Variants in EFCAB6 observed in about 807,000 individuals in gnomAD.
EFCAB6 encodes EF-hand calcium binding domain 6.
In EFCAB6, 156 loss-of-function variants were observed where a neutral mutation model predicts 169.8. That is an observed-to-expected ratio of 0.92 (90% CI 0.81 to 1.05). EFCAB6 has a LOEUF of 1.05. Among genes scored for constraint, EFCAB6 ranks in the 50% least tolerant of loss-of-function variants. The pLI is 0.00. For missense variants in EFCAB6, 1,800 were observed against 1,829.1 expected (o/e 0.98, Z 0.29); for synonymous variants, 698 against 676.4 (o/e 1.03, Z -0.50).
intron 12 of EFCAB6, 87 bp from the exon 13 acceptor site, chr22:43,678,250 A>G (rs2057856517): frequency 7.3e-7 from 1 of 1,377,652 alleles, no homozygotes; most frequent in Admixed American, 2.3e-5. Flanking sequence ...ATCATTTAAT[A>G]AAGAGCGAGC....
chr22:43,677,412 C>T (rs1459148269), intron 13 of EFCAB6, among the ~76,000 whole-genome samples: 2 of 152,130 alleles, frequency 1.3e-5, no homozygotes, highest in African/African-American at 2.4e-5. Context: ...CTTTGGGAGG[C>T]CGAGGCAAGT....
intron 20 of EFCAB6, among the ~76,000 whole-genome samples, chr22:43,622,511 A>G (rs558747433): frequency 5.9e-5 from 9 of 152,328 alleles, no homozygotes; most frequent in African/African-American, 2.2e-4. Flanking sequence ...GGTTGCAGTG[A>G]GCTGAGATGG....
intron 10 of EFCAB6, among the ~76,000 whole-genome samples, chr22:43,690,156 T>C (rs1257159478): frequency 6.6e-6 from 1 of 152,102 alleles, no homozygotes; most frequent in East Asian, 1.9e-4. Flanking sequence ...GTACCTACTC[T>C]TGCCTTCCTC....
rs970127330 is a variant in EFCAB6, at chr22:43,755,769, T to C, written c.504A>G (p.Glu168=). 6.2e-7 allele frequency: 1 copy of C among 1,607,024 alleles called. No individual in the cohort carries two copies. The highest frequency in any genetic ancestry group is 8.5e-7 in the Non-Finnish European group (1 of 1,177,760). ...TLRELEIQVG[E]KVFKNIKTVM... ...ATTTCTTTAAAATCTCTATTACCTT[T>C]TCTCCCACTTGGATTTCAAGTTCTC... is the stretch of plus-strand genomic sequence containing the variant. The change falls in exon 6 of 32, where the codon GAA becomes GAG. Residue 168 remains glutamate (E), a synonymous_variant. Coordinates refer to ENST00000262726, the MANE Select transcript of EFCAB6 (RefSeq NM_022785.4).
intron 10 of EFCAB6, among the ~76,000 whole-genome samples, chr22:43,694,943 T>C (rs1490821854): frequency 3.3e-5 from 5 of 151,992 alleles, no homozygotes; most frequent in African/African-American, 1.2e-4. Context: ...TGTTCAACAT[T>C]ATACTTAACA....
At chr22:43,612,495 A>C (rs1419993239) in intron 21 of EFCAB6, among the ~76,000 whole-genome samples, 1 of 152,214 alleles carries the variant, frequency 6.6e-6, no homozygotes, top group Non-Finnish European at 1.5e-5. Flanking sequence ...GAAGAAATAC[A>C]TGTGGCCAAC....
At chr22:43,636,110 G>A (rs2055373141) in intron 17 of EFCAB6, among the ~76,000 whole-genome samples, 2 of 152,234 alleles carry the variant, frequency 1.3e-5, no homozygotes, top group Non-Finnish European at 2.9e-5. Flanking sequence ...GGGCCAAGGG[G>A]CCAAAGACGT....
chr22:43,674,415 G>C (rs2057631937), intron 13 of EFCAB6, among the ~76,000 whole-genome samples: 1 of 152,180 alleles, frequency 6.6e-6, no homozygotes, highest in African/African-American at 2.4e-5. Context: ...TCTGAGACTG[G>C]GAGGGTCCCT....
intron 27 of EFCAB6, among the ~76,000 whole-genome samples, chr22:43,551,080 G>A (rs1428362752): frequency 6.6e-6 from 1 of 152,226 alleles, no homozygotes; most frequent in Non-Finnish European, 1.5e-5. Context: ...ACCAAGTCAT[G>A]AAATATGGAG....
intron 12 of EFCAB6, among the ~76,000 whole-genome samples, chr22:43,679,074 T>C (rs1250101333): frequency 2.0e-5 from 3 of 152,212 alleles, no homozygotes; most frequent in Non-Finnish European, 2.9e-5. Flanking sequence ...ATTTAAAGCA[T>C]TGTGTAACCA....
At position 43,602,911 on chromosome 22, in the gene EFCAB6, C is replaced by T. The variant is rs190353283; in HGVS notation, c.2682-2648G>A. Among the ~76,000 whole-genome samples, 139 of 152,022 alleles carry T rather than the reference C, an allele frequency of 9.1e-4. No homozygotes were observed. In the Middle Eastern group the frequency reaches 0.01, roughly 11 times the overall value. ...CACCCAAAGTTTTTCCCACATGCTGCCTCCATCCAGTTCCTAGGTCCATGT... is the reference window on the plus strand; with the variant it reads ...CACCCAAAGTTTTTCCCACATGCTGTCTCCATCCAGTTCCTAGGTCCATGT... On this transcript the variant is annotated intron_variant, in intron 22 of 31. Coordinates refer to ENST00000262726, the MANE Select transcript of EFCAB6 (RefSeq NM_022785.4).
rs144371225 is a variant in EFCAB6, at chr22:43,703,344, C to A, written c.1031+8131G>T. On this transcript the variant is annotated intron_variant, in intron 10 of 31. Transcript: ENST00000262726. ...GTCCCATACAGAATCACAAGCTAGA[C>A]TGAATAATGAATATCTATTTCTGCC... 2.0e-3 allele frequency among the ~76,000 whole-genome samples: 297 copies of A among 152,268 alleles called. 12 individuals are homozygous for A. The East Asian group carries it at 0.05, about 25-fold the overall frequency.
At chr22:43,701,893 TAAC>T (rs1337269900) in intron 10 of EFCAB6, among the ~76,000 whole-genome samples, 1 of 152,002 alleles carries the variant, frequency 6.6e-6, no homozygotes, top group Non-Finnish European at 1.5e-5. Flanking sequence ...AAAAGGGAAA[TAAC>T]AGGCTAAGAA....
chr22:43,591,471 A>AG (rs1326597249), intron 23 of EFCAB6, among the ~76,000 whole-genome samples: 1 of 142,832 alleles, frequency 7.0e-6, no homozygotes, highest in African/African-American at 2.6e-5. Flanking sequence ...AAAAAAAAAA[A>AG]AAAAGAAAAG....
At chr22:43,671,275 C>T (rs557099622) in intron 15 of EFCAB6, among the ~76,000 whole-genome samples, 2 of 152,260 alleles carry the variant, frequency 1.3e-5, no homozygotes, top group South Asian at 2.1e-4. Context: ...AATCTCGGCT[C>T]ACTGCAACCT....
intron 17 of EFCAB6, among the ~76,000 whole-genome samples, chr22:43,655,804 G>A (rs896344405): frequency 1.3e-5 from 2 of 152,062 alleles, no homozygotes; most frequent in South Asian, 2.1e-4. Context: ...AAAAGGATAC[G>A]CCATGTGAAC....
chr22:43,711,742 A>G, intron 9 of EFCAB6, 119 bp from the exon 10 acceptor site: 1 of 1,226,376 alleles, frequency 8.2e-7, no homozygotes, highest in Non-Finnish European at 1.1e-6. Context: ...CTGATCAAAA[A>G]GGTTACTATG....
At chr22:43,681,852 T>A (rs1207779734) in intron 12 of EFCAB6, among the ~76,000 whole-genome samples, 1 of 152,194 alleles carries the variant, frequency 6.6e-6, no homozygotes, top group East Asian at 1.9e-4. Flanking sequence ...TCCTTCTGGA[T>A]GACTGAGAGG....
intron 13 of EFCAB6, among the ~76,000 whole-genome samples, chr22:43,676,328 A>G (rs775524725): frequency 2.0e-5 from 3 of 151,474 alleles, no homozygotes; most frequent in Non-Finnish European, 4.4e-5. Context: ...GAGGCAGGAG[A>G]ATTGCTTGAA....
Sources: gnomAD v4.1 joint callset for allele counts (sites outside exome capture counted in the v4.1 genomes callset) on GRCh38, gnomAD v4.1.1 for gene constraint, MANE v1.5 for transcripts, NCBI Gene and HGNC (gene_info 2026-07-23, HGNC 2026-07-21) for gene names.